The following RPSA2 variants were observed in gnomAD, a reference collection of about 807,000 sequenced individuals.
The protein encoded by RPSA2 is ribosomal protein SA 2.
chr19:23,763,330 C>T, the RPSA2 span, among the ~76,000 whole-genome samples: 1 of 152,196 alleles, frequency 6.6e-6, no homozygotes, highest in East Asian at 1.9e-4. Context: ...CCGTGCGGGG[C>T]CATGTCTGGA....
chr19:23,812,268 A>G, the RPSA2 span, among the ~76,000 whole-genome samples: 3 of 152,160 alleles, frequency 2.0e-5, no homozygotes, highest in Non-Finnish European at 4.4e-5. Context: ...TAATTAAAAG[A>G]TAAATGGGCC....
the RPSA2 span, among the ~76,000 whole-genome samples, chr19:23,853,545 G>A: frequency 6.6e-6 from 1 of 152,224 alleles, no homozygotes; most frequent in Non-Finnish European, 1.5e-5. Flanking sequence ...GGCATTGGCT[G>A]CCATTAAAAG....
At chr19:23,808,601 A>T in the RPSA2 span, 1 of 288,044 alleles carries the variant, frequency 3.5e-6, no homozygotes, top group Non-Finnish European at 7.0e-6. Flanking sequence ...GTTATAAATT[A>T]GTATATTGGG....
At chr19:23,830,750 AG>A in the RPSA2 span, among the ~76,000 whole-genome samples, 1 of 152,096 alleles carries the variant, frequency 6.6e-6, no homozygotes, top group Non-Finnish European at 1.5e-5. Context: ...AATTATTAAA[AG>A]TAATTTATAC....
At chr19:23,862,778 C>T in the RPSA2 span, among the ~76,000 whole-genome samples, 4 of 151,164 alleles carry the variant, frequency 2.6e-5, no homozygotes, top group African/African-American at 9.7e-5. Context: ...AAAAACAGTC[C>T]TGGGGACAAA....
the RPSA2 span, among the ~76,000 whole-genome samples, chr19:23,870,990 G>A: frequency 6.6e-6 from 1 of 152,128 alleles, no homozygotes; most frequent in Admixed American, 6.5e-5. Flanking sequence ...TGGGACATCT[G>A]GAGCCTACTG....
the RPSA2 span, among the ~76,000 whole-genome samples, chr19:23,828,311 C>A: frequency 2.5e-5 from 3 of 118,734 alleles, no homozygotes; most frequent in African/African-American, 9.2e-5. Flanking sequence ...ATGCCTGCAG[C>A]ATTCTTTCTT....
At chr19:23,863,531 T>C in the RPSA2 span, among the ~76,000 whole-genome samples, 1 of 139,226 alleles carries the variant, frequency 7.2e-6, no homozygotes, top group East Asian at 2.1e-4. Context: ...ACCACTGTAC[T>C]CCAGTCTGGG....
the RPSA2 span, among the ~76,000 whole-genome samples, chr19:23,851,192 C>T: frequency 6.2e-3 from 840 of 136,172 alleles, 7 homozygotes; most frequent in African/African-American, 0.022. Flanking sequence ...TGAGTCACAT[C>T]CATTTGCCAT....
the RPSA2 span, among the ~76,000 whole-genome samples, chr19:23,847,003 T>G: frequency 6.6e-6 from 1 of 152,166 alleles, no homozygotes; most frequent in Non-Finnish European, 1.5e-5. Flanking sequence ...AATTTTTGTT[T>G]AGTCACTTTA....
chr19:23,864,430 C>G, the RPSA2 span, among the ~76,000 whole-genome samples: 152,287 of 152,318 alleles, frequency 1, 76,129 homozygotes, highest in Non-Finnish European at 1. Context: ...CCATATGTAA[C>G]ACATACCCAT....
chr19:23,795,127 GT>G, the RPSA2 span, among the ~76,000 whole-genome samples: 1 of 147,816 alleles, frequency 6.8e-6, no homozygotes, highest in Admixed American at 6.7e-5. Flanking sequence ...CAGCTTTGTT[GT>G]TTTTGCTTAT....
At chr19:23,802,905 CT>C in the RPSA2 span, among the ~76,000 whole-genome samples, 1 of 152,050 alleles carries the variant, frequency 6.6e-6, no homozygotes, top group East Asian at 1.9e-4. Context: ...ATGTCTACAC[CT>C]GAACATATAT....
the RPSA2 span, among the ~76,000 whole-genome samples, chr19:23,768,834 C>T: frequency 2.0e-5 from 3 of 151,084 alleles, no homozygotes; most frequent in Admixed American, 6.6e-5. Flanking sequence ...CCAATCCGCC[C>T]GCCTCAACCT....
chr19:23,771,026 A>C, the RPSA2 span, among the ~76,000 whole-genome samples: 15 of 152,198 alleles, frequency 9.9e-5, no homozygotes, highest in African/African-American at 3.6e-4. Flanking sequence ...GAAAATGAGT[A>C]ATATCCTGGG....
At chr19:23,781,043 C>T in the RPSA2 span, among the ~76,000 whole-genome samples, 118 of 152,276 alleles carry the variant, frequency 7.7e-4, no homozygotes, top group Non-Finnish European at 1.5e-3. Flanking sequence ...GGCATGATCT[C>T]GGCTCACTGC....
the RPSA2 span, among the ~76,000 whole-genome samples, chr19:23,861,692 A>G: frequency 6.6e-6 from 1 of 152,082 alleles, no homozygotes; most frequent in Non-Finnish European, 1.5e-5. Context: ...CCCTCACTCC[A>G]CAAAACACCA....
chr19:23,866,591 C>T, the RPSA2 span, among the ~76,000 whole-genome samples: 1 of 149,936 alleles, frequency 6.7e-6, no homozygotes, highest in Admixed American at 6.7e-5. Flanking sequence ...TCACCGATGC[C>T]ACTCAAAATT....
the RPSA2 span, among the ~76,000 whole-genome samples, chr19:23,782,752 C>G: frequency 1.8e-3 from 274 of 152,134 alleles, no homozygotes; most frequent in Admixed American, 3.3e-3. Context: ...GATGTGACTC[C>G]TCTTCATTCT....
Sources: gnomAD v4.1 joint callset for allele counts (sites outside exome capture counted in the v4.1 genomes callset) on GRCh38, gnomAD v4.1.1 for gene constraint, MANE v1.5 for transcripts, NCBI Gene and HGNC (gene_info 2026-07-23, HGNC 2026-07-21) for gene names.